The following CYRIB variants were observed in gnomAD, a reference collection of about 807,000 sequenced individuals.
CYRIB encodes the protein CYFIP-related Rac1 interactor B.
In CYRIB, 8 loss-of-function variants were observed where a neutral mutation model predicts 44.2. That is an observed-to-expected ratio of 0.18 (90% CI 0.11 to 0.33). The LOEUF (loss-of-function observed/expected upper bound fraction) is 0.33, where lower values mean the gene tolerates loss of function less well. CYRIB is among the 10% of genes least tolerant of loss of function. The probability of loss-of-function intolerance (pLI) is 1.00; values close to 1 mark genes in which losing one functional copy is unlikely to be tolerated. For missense variants in CYRIB, 185 were observed against 382.8 expected (o/e 0.48, Z 4.31); for synonymous variants, 131 against 127.2 (o/e 1.03, Z -0.20).
intron 2 of CYRIB, among the ~76,000 whole-genome samples, chr8:129,898,473 AAAG>A (rs778660304): frequency 2.0e-5 from 3 of 152,238 alleles, no homozygotes; most frequent in Non-Finnish European, 4.4e-5. Context: ...CTTATTAGGA[AAAG>A]AAGACGGATG....
chr8:129,962,515 A>G (rs1371818635), intron 2 of CYRIB, among the ~76,000 whole-genome samples: 1 of 152,210 alleles, frequency 6.6e-6, no homozygotes, highest in Admixed American at 6.5e-5. Flanking sequence ...CTAGCCCAGC[A>G]TCTATGGCAT....
intron 1 of CYRIB, among the ~76,000 whole-genome samples, chr8:129,981,198 G>T (rs945486562): frequency 6.6e-6 from 1 of 152,046 alleles, no homozygotes; most frequent in African/African-American, 2.4e-5. Context: ...GGAGTGCAGT[G>T]GTGCAATCTC....
intron 1 of CYRIB, among the ~76,000 whole-genome samples, chr8:129,971,754 T>C (rs948033290): frequency 2.0e-5 from 3 of 152,200 alleles, no homozygotes; most frequent in African/African-American, 7.2e-5. Flanking sequence ...CCTGAATCAC[T>C]TCCTGTTTCA....
At chr8:129,924,896 C>G (rs2086545688) in intron 1 of CYRIB, among the ~76,000 whole-genome samples, 1 of 152,166 alleles carries the variant, frequency 6.6e-6, no homozygotes, top group South Asian at 2.1e-4. Flanking sequence ...GAGGATCACT[C>G]AGGCCTTGGA....
intron 1 of CYRIB, among the ~76,000 whole-genome samples, chr8:129,915,948 T>C (rs886909049): frequency 1.2e-4 from 18 of 152,182 alleles, no homozygotes; most frequent in East Asian, 5.8e-4. Flanking sequence ...ATCTGATATA[T>C]AGGTGATCTC....
chr8:130,009,219 T>A (rs2097168728), intron 1 of CYRIB, among the ~76,000 whole-genome samples: 1 of 151,966 alleles, frequency 6.6e-6, no homozygotes, highest in South Asian at 2.1e-4. Flanking sequence ...ACCACTAACA[T>A]GGCAAAGTGT....
chr8:130,010,635 C>T (rs1340144323), intron 1 of CYRIB, among the ~76,000 whole-genome samples: 1 of 152,220 alleles, frequency 6.6e-6, no homozygotes, highest in Non-Finnish European at 1.5e-5. Context: ...CTCTCCCACC[C>T]CTTCCTGCTC....
At chr8:129,839,766 A>G (rs1055552081) in exon 12 of CYRIB, 1 of 152,244 alleles carries the variant, frequency 6.6e-6, no homozygotes, top group Non-Finnish European at 1.5e-5. Context: ...CCGGTTTGCT[A>G]GCCCCTGGGC....
At chr8:129,947,584 G>C (rs1485639966) in intron 2 of CYRIB, among the ~76,000 whole-genome samples, 2 of 152,062 alleles carry the variant, frequency 1.3e-5, no homozygotes, top group Admixed American at 1.3e-4. Context: ...CAGTAAATAA[G>C]GTGCCCCGAT....
chr8:129,861,964 C>A (rs2049953047), intron 5 of CYRIB, among the ~76,000 whole-genome samples: 1 of 152,054 alleles, frequency 6.6e-6, no homozygotes, highest in Non-Finnish European at 1.5e-5. Flanking sequence ...TTCTTAAAAT[C>A]ATTTAAAATC....
intron 1 of CYRIB, among the ~76,000 whole-genome samples, chr8:129,975,170 C>T (rs188064315): frequency 4.6e-5 from 7 of 151,078 alleles, no homozygotes; most frequent in African/African-American, 1.2e-4. Context: ...TGAGCCACTG[C>T]GCCTGACCTA....
rs146683281 is a variant in CYRIB, at chr8:129,956,535, G to GCACA, written c.-243+14404_-243+14407dup. 8.7e-3 allele frequency among the ~76,000 whole-genome samples: 1,304 copies of GCACA among 149,472 alleles called. 8 individuals are homozygous for GCACA. The highest frequency in any genetic ancestry group is 0.026 in the Admixed American group (395 of 14,968). On this transcript the variant is annotated intron_variant, in intron 2 of 14. Transcript: ENST00000401979. ...TATACACATACATGTCTTTGTGTTTGCACACACACACACACACACACACCT... is the reference window on the plus strand; with the variant it reads ...TATACACATACATGTCTTTGTGTTTGCACACACACACACACACACACACACACCT...
intron 1 of CYRIB, among the ~76,000 whole-genome samples, chr8:129,927,195 G>C (rs1362223332): frequency 1.3e-5 from 2 of 152,152 alleles, no homozygotes; most frequent in African/African-American, 2.4e-5. Context: ...GGGAGGCTGA[G>C]GCAGGAGAAT....
At chr8:129,985,157 C>T (rs890236935) in intron 1 of CYRIB, among the ~76,000 whole-genome samples, 3 of 152,294 alleles carry the variant, frequency 2.0e-5, no homozygotes, top group African/African-American at 7.2e-5. Context: ...GTTTCTTAAC[C>T]TCTCTGGGCT....
chr8:130,011,837 C>A (rs1294845324), intron 1 of CYRIB, among the ~76,000 whole-genome samples: 3 of 151,236 alleles, frequency 2.0e-5, no homozygotes, highest in East Asian at 1.9e-4. Context: ...CATCTCAAAA[C>A]TAAAAATAAA....
intron 2 of CYRIB, among the ~76,000 whole-genome samples, chr8:129,896,350 G>A (rs1589012293): frequency 6.6e-6 from 1 of 152,164 alleles, no homozygotes; most frequent in South Asian, 2.1e-4. Flanking sequence ...TACCTACGAA[G>A]GGATAATTCA....
At chr8:129,861,956 CT>C (rs1398155682) in intron 5 of CYRIB, among the ~76,000 whole-genome samples, 3 of 152,076 alleles carry the variant, frequency 2.0e-5, no homozygotes, top group Non-Finnish European at 4.4e-5. Flanking sequence ...CTTTTGTGTT[CT>C]TAAAATCATT....
chr8:129,882,061 ATT>A (rs1202401213), intron 2 of CYRIB, among the ~76,000 whole-genome samples: 1 of 152,204 alleles, frequency 6.6e-6, no homozygotes, highest in African/African-American at 2.4e-5. Flanking sequence ...ACATATATAA[ATT>A]TTCTCACTAA....
At chr8:129,902,455 G>A (rs1019507539) in intron 2 of CYRIB, among the ~76,000 whole-genome samples, 18 of 152,008 alleles carry the variant, frequency 1.2e-4, no homozygotes, top group Non-Finnish European at 1.9e-4. Context: ...CCTGACCTCA[G>A]GTGATCCACC....
Sources: gnomAD v4.1 joint callset for allele counts (sites outside exome capture counted in the v4.1 genomes callset) on GRCh38, gnomAD v4.1.1 for gene constraint, MANE v1.5 for transcripts, NCBI Gene and HGNC (gene_info 2026-07-23, HGNC 2026-07-21) for gene names.